The following ERN1 variants were observed in gnomAD, a reference collection of about 807,000 sequenced individuals.
ERN1 encodes serine/threonine-protein kinase/endoribonuclease IRE1.
Under a neutral mutation model 113.1 loss-of-function variants are expected in ERN1, and 39 were observed. That is an observed-to-expected ratio of 0.34 (90% CI 0.27 to 0.45). The LOEUF is 0.45. ERN1 is among the 20% of genes least tolerant of loss of function. ERN1 has a pLI of 1.00. For missense variants in ERN1, 976 were observed against 1,274.8 expected (o/e 0.77, Z 3.57); for synonymous variants, 507 against 515.9 (o/e 0.98, Z 0.23).
rs762511259 is a variant in ERN1 at position 64,080,758 on chromosome 17, C to A, written c.209+17G>T. Reference sequence around the variant, plus strand: ...GACTGAATTAAAGGGAAGTACTGAGCGAATCAGAAAACTTACTCTTCCACA... The same window carrying A: ...GACTGAATTAAAGGGAAGTACTGAGAGAATCAGAAAACTTACTCTTCCACA... On this transcript the variant is annotated intron_variant, in intron 3 of 21. Transcript: ENST00000433197. 4 of 1,607,348 alleles carry A rather than the reference C, an allele frequency of 2.5e-6. No homozygotes were observed. Among genetic ancestry groups the A allele is most frequent in the African/African-American group, 2.7e-5 (2 of 74,802 alleles).
chr17:64,086,132 C>G (rs1273289309), intron 2 of ERN1, among the ~76,000 whole-genome samples: 2 of 152,190 alleles, frequency 1.3e-5, no homozygotes, highest in African/African-American at 4.8e-5. Context: ...CCTCTTGGCT[C>G]TGCCTGCTCT....
chr17:64,076,757 G>A (rs973494551), intron 4 of ERN1, among the ~76,000 whole-genome samples: 39 of 152,072 alleles, frequency 2.6e-4, no homozygotes, highest in Admixed American at 9.8e-4. Context: ...CCGCCACTGC[G>A]CCTGGCTAAT....
chr17:64,071,936 T>C (rs893022547), intron 6 of ERN1, 45 bp downstream of exon 6: 1 of 1,547,730 alleles, frequency 6.5e-7, no homozygotes, highest in African/African-American at 1.4e-5. Flanking sequence ...TCTTCCGATC[T>C]TCTGGAAACA....
At chr17:64,075,096 T>C in intron 5 of ERN1, 79 bp downstream of exon 5, 1 of 1,207,032 alleles carries the variant, frequency 8.3e-7, no homozygotes, top group Non-Finnish European at 1.2e-6. Flanking sequence ...GACTGCGCCC[T>C]CTCTCTCCGC....
intron 1 of ERN1, among the ~76,000 whole-genome samples, chr17:64,116,939 C>T (rs1164785672): frequency 2.4e-5 from 3 of 124,460 alleles, no homozygotes; most frequent in African/African-American, 1.1e-4. Context: ...CCTGTCTTTA[C>T]TAAAAATACA....
At chr17:64,085,246 C>T (rs1314918013) in intron 2 of ERN1, among the ~76,000 whole-genome samples, 1 of 152,172 alleles carries the variant, frequency 6.6e-6, no homozygotes, top group African/African-American at 2.4e-5. Context: ...GTTTATTTGG[C>T]TCACGTTTCT....
intron 9 of ERN1, among the ~76,000 whole-genome samples, chr17:64,064,830 G>T (rs1270305725): frequency 6.6e-6 from 1 of 152,198 alleles, no homozygotes; most frequent in Non-Finnish European, 1.5e-5. Flanking sequence ...CCCGGGGAAA[G>T]ATGAACATGG....
chr17:64,070,240 T>C (rs1446401848), intron 6 of ERN1, among the ~76,000 whole-genome samples: 1 of 152,180 alleles, frequency 6.6e-6, no homozygotes, highest in Non-Finnish European at 1.5e-5. Context: ...CAACCAAGCA[T>C]GTGGAATAAA....
chr17:64,112,051 T>C (rs1914686250), intron 1 of ERN1, among the ~76,000 whole-genome samples: 1 of 152,048 alleles, frequency 6.6e-6, no homozygotes, highest in Non-Finnish European at 1.5e-5. Context: ...AGAGTTAAAA[T>C]ATGTTTGGCT....
At chr17:64,048,123 A>G (rs1013640448) in intron 18 of ERN1, 138 bp from the exon 19 acceptor site, 2 of 859,908 alleles carry the variant, frequency 2.3e-6, no homozygotes, top group African/African-American at 3.4e-5. Context: ...AATTAGGAAC[A>G]GACACAAAAC....
At chr17:64,091,969 AG>A (rs1183256462) in intron 2 of ERN1, among the ~76,000 whole-genome samples, 1 of 152,200 alleles carries the variant, frequency 6.6e-6, no homozygotes, top group Non-Finnish European at 1.5e-5. Context: ...ACACTGATGC[AG>A]GCACAACGCC....
intron 5 of ERN1, among the ~76,000 whole-genome samples, chr17:64,072,558 CCA>C (rs755535588): frequency 2.6e-5 from 4 of 152,230 alleles, no homozygotes; most frequent in Admixed American, 6.5e-5. Flanking sequence ...TGAGAAGGAT[CCA>C]CAGTTACTGT....
rs1241633389 is a variant in ERN1, at chr17:64,049,308, T to A, written c.2254-106A>T. On this transcript the variant is annotated intron_variant, in intron 17 of 21. Transcript: ENST00000433197. This position sits in a 1 kb window ranked among gnomAD's most constrained non-coding sequence, Gnocchi z 4.7. Reference sequence around the variant, plus strand: ...TGCTGCTTCTGCCACCTAGAAGGTGTCCTGGGAGAATCAGCTGACATATGT... The same window carrying A: ...TGCTGCTTCTGCCACCTAGAAGGTGACCTGGGAGAATCAGCTGACATATGT... 1.7e-6 allele frequency: 2 copies of A among 1,202,308 alleles called. No individual in the cohort carries two copies. Among genetic ancestry groups the A allele is most frequent in the East Asian group, 5.3e-5 (2 of 37,752 alleles). 74.5% of individuals were successfully genotyped at this position (1,202,308 alleles called of 1,614,324 possible). A position where few individuals can be genotyped will look rare whatever the true frequency, so the allele number is the denominator to read the frequency against.
Position 64,111,120 on chromosome 17 carries a change from G to C in ERN1, c.55-12879C>G, listed in dbSNP as rs970074214. Among the ~76,000 whole-genome samples the C allele has an allele frequency of 1.8e-3, 267 of 152,216 alleles. 4 individuals are homozygous for C. Among genetic ancestry groups the C allele is most frequent in the Non-Finnish European group, 7.1e-4 (48 of 68,010 alleles). ...GGCTGTCCCAGGCAGGAATGGACAAGGGACCATATTATAAAATATTTTTTA... is the reference window on the plus strand; with the variant it reads ...GGCTGTCCCAGGCAGGAATGGACAACGGACCATATTATAAAATATTTTTTA... On this transcript the variant is annotated intron_variant, in intron 1 of 21. Coordinates refer to ENST00000433197, the MANE Select transcript of ERN1 (RefSeq NM_001433.5).
At chr17:64,073,578 G>T (rs951342092) in intron 5 of ERN1, among the ~76,000 whole-genome samples, 1 of 151,422 alleles carries the variant, frequency 6.6e-6, no homozygotes, top group Non-Finnish European at 1.5e-5. Context: ...TGCAACCTCC[G>T]CCTCCAGGGT....
chr17:64,086,891 G>A (rs1171983328), intron 2 of ERN1, among the ~76,000 whole-genome samples: 3 of 151,914 alleles, frequency 2.0e-5, no homozygotes, highest in East Asian at 1.9e-4. Context: ...TGATTCACCC[G>A]CCGTGGCCTC....
intron 1 of ERN1, among the ~76,000 whole-genome samples, chr17:64,126,836 T>A (rs1053028430): frequency 6.6e-6 from 1 of 151,804 alleles, no homozygotes; most frequent in African/African-American, 2.4e-5. Context: ...ACACACATGA[T>A]CCTCAGTTCT....
intron 4 of ERN1, among the ~76,000 whole-genome samples, chr17:64,077,488 G>A (rs530165192): frequency 3.9e-5 from 6 of 152,024 alleles, no homozygotes; most frequent in East Asian, 1.9e-4. Flanking sequence ...GCAGAGACTC[G>A]TTTTTCCTGT....
intron 20 of ERN1, 79 bp downstream of exon 20, chr17:64,045,280 G>A (rs558884092): frequency 9.0e-6 from 14 of 1,555,782 alleles, no homozygotes; most frequent in South Asian, 3.4e-5. Flanking sequence ...AGCCTGGAGC[G>A]GCCATTTCCA....
Sources: gnomAD v4.1 joint callset for allele counts (sites outside exome capture counted in the v4.1 genomes callset) on GRCh38, gnomAD v4.1.1 for gene constraint, Gnocchi (gnomAD v3.1) non-coding constraint, MANE v1.5 for transcripts, NCBI Gene and HGNC (gene_info 2026-07-23, HGNC 2026-07-21) for gene names.